Variants in PDGFRL observed in about 807,000 individuals in gnomAD.
PDGFRL encodes platelet derived growth factor receptor like, also known as platelet-derived growth factor receptor-like protein.
A neutral mutation model predicts 37.2 loss-of-function variants in PDGFRL; 46 were observed. That is an observed-to-expected ratio of 1.24 (90% CI 0.98 to 1.58). PDGFRL has a LOEUF of 1.58. Among genes scored for constraint, PDGFRL ranks in the 40% most tolerant of loss-of-function variants. PDGFRL has a pLI of 0.00. For synonymous variants in PDGFRL, 251 were observed against 184.3 expected (o/e 1.36, Z -2.93); for missense variants, 692 against 467.6 (o/e 1.48, Z -4.43).
intron 4 of PDGFRL, among the ~76,000 whole-genome samples, chr8:17,629,382 A>G (rs1804813917): frequency 6.6e-6 from 1 of 151,680 alleles, no homozygotes; most frequent in Admixed American, 6.6e-5. Flanking sequence ...GTGTTGGATC[A>G]GGTCTTCTAT....
chr8:17,580,960 T>C (rs567665325), intron 1 of PDGFRL, among the ~76,000 whole-genome samples: 5,298 of 31,790 alleles, frequency 0.17, 142 homozygotes, highest in Middle Eastern at 0.48. Context: ...TTTTCATACG[T>C]GTGTGTGTGT....
At chr8:17,583,074 G>C (rs1056138402) in intron 1 of PDGFRL, among the ~76,000 whole-genome samples, 40 of 152,176 alleles carry the variant, frequency 2.6e-4, no homozygotes, top group African/African-American at 9.4e-4. Flanking sequence ...ATAAACCTTG[G>C]AGGCTTCCAC....
intron 5 of PDGFRL, among the ~76,000 whole-genome samples, chr8:17,634,845 C>G (rs145786193): frequency 2.0e-5 from 3 of 152,020 alleles, no homozygotes; most frequent in African/African-American, 4.8e-5. Context: ...GGGAGAAGAT[C>G]GGGCAAAATA....
intron 2 of PDGFRL, among the ~76,000 whole-genome samples, chr8:17,598,602 G>T (rs1804101582): frequency 6.6e-6 from 1 of 152,152 alleles, no homozygotes; most frequent in African/African-American, 2.4e-5. Context: ...GGTCAGCTAG[G>T]CAAACAACAA....
intron 2 of PDGFRL, among the ~76,000 whole-genome samples, chr8:17,612,834 C>A (rs116451363): frequency 0.021 from 3,224 of 152,208 alleles, 114 homozygotes; most frequent in African/African-American, 0.073. Flanking sequence ...AAAAAGGTAT[C>A]AAAATCTGCA....
In PDGFRL at chr8:17,595,776, G is replaced by A. The variant is rs187042851; in HGVS notation, c.353+6011G>A. ...GTTATGGGGCTGTTGAGGAGTTGGC[G>A]TCCACCTGGAGTCTGTCCAGTGAGT... On this transcript the variant is annotated intron_variant, in intron 2 of 5. Transcript: ENST00000251630. 1.2e-3 allele frequency among the ~76,000 whole-genome samples: 185 copies of A among 152,326 alleles called. 1 individual carries two copies. The highest frequency in any genetic ancestry group is 2.2e-3 in the Non-Finnish European group (147 of 68,024).
At chr8:17,627,032 C>T (rs185227292) in intron 3 of PDGFRL, among the ~76,000 whole-genome samples, 29 of 152,286 alleles carry the variant, frequency 1.9e-4, no homozygotes, top group African/African-American at 5.8e-4. Flanking sequence ...CCTTGGCAGG[C>T]GCCAGATCCT....
intron 1 of PDGFRL, among the ~76,000 whole-genome samples, chr8:17,588,511 T>TA (rs58536582): frequency 1.3e-4 from 20 of 149,326 alleles, no homozygotes; most frequent in South Asian, 1.1e-3. Flanking sequence ...GCCCCATCTT[T>TA]AAAAAAAAAA....
chr8:17,602,004 A>T (rs115363448), intron 2 of PDGFRL, among the ~76,000 whole-genome samples: 3 of 152,164 alleles, frequency 2.0e-5, no homozygotes, highest in African/African-American at 7.2e-5. Context: ...TTGCTGGCCC[A>T]CATGGTAGCT....
chr8:17,583,788 CCT>C (rs1321205964), intron 1 of PDGFRL, among the ~76,000 whole-genome samples: 1 of 151,564 alleles, frequency 6.6e-6, no homozygotes, highest in Non-Finnish European at 1.5e-5. Context: ...TTGCACCTCC[CCT>C]CTCTCTCTCT....
intron 2 of PDGFRL, among the ~76,000 whole-genome samples, chr8:17,596,854 A>G (rs1443490195): frequency 6.6e-6 from 1 of 152,238 alleles, no homozygotes; most frequent in African/African-American, 2.4e-5. Flanking sequence ...CCAGAGATTC[A>G]AGAAACGGAC....
At chr8:17,641,073 G>T (rs191474487) in intron 5 of PDGFRL, among the ~76,000 whole-genome samples, 11 of 152,202 alleles carry the variant, frequency 7.2e-5, no homozygotes, top group African/African-American at 2.4e-4. Flanking sequence ...GCAGTTACAG[G>T]CCTCACCCAG....
rs932939145 is a variant in PDGFRL, at chr8:17,612,715, C to G, written c.354-8336C>G. On this transcript the variant is annotated intron_variant, in intron 2 of 5. Coordinates refer to ENST00000251630, the MANE Select transcript of PDGFRL (RefSeq NM_001372073.1). ...ATAAAATAACACATACTTATTTGAT[C>G]TAGAAACTTAAAAACTATAAATAAG... Among the ~76,000 whole-genome samples the G allele has an allele frequency of 7.9e-5, 12 of 152,202 alleles. No homozygotes were observed. In the South Asian group the frequency reaches 1.7e-3, roughly 21 times the overall value.
At position 17,577,321 on chromosome 8, in the gene PDGFRL, GGC is replaced by G. The variant is rs753922118; in HGVS notation, c.55+18_55+19del. 5.6e-6 allele frequency: 9 copies of G among 1,608,784 alleles called. No individual in the cohort carries two copies. The East Asian group carries it at 2.0e-4, about 36-fold the overall frequency. On this transcript the variant is annotated intron_variant, in intron 1 of 5. Transcript: ENST00000251630. ...CGCTGGAGGATGGTGAGTGACTCTG[GGC>G]GCGGGGCCACCTAGCTTGTGCCCTG...
intron 2 of PDGFRL, among the ~76,000 whole-genome samples, chr8:17,607,505 T>C (rs978972613): frequency 6.6e-5 from 10 of 152,236 alleles, no homozygotes; most frequent in African/African-American, 2.4e-4. Context: ...TGCACAGAAT[T>C]AAAATACAGT....
chr8:17,630,256 G>C (rs182272297), intron 4 of PDGFRL, among the ~76,000 whole-genome samples: 1 of 152,254 alleles, frequency 6.6e-6, no homozygotes, highest in East Asian at 1.9e-4. Flanking sequence ...CCTTACTCTT[G>C]ACAGAACTGA....
chr8:17,584,922 C>G (rs893306069), intron 1 of PDGFRL, among the ~76,000 whole-genome samples: 1 of 152,020 alleles, frequency 6.6e-6, no homozygotes, highest in Non-Finnish European at 1.5e-5. Flanking sequence ...GCATGGACTG[C>G]TCAGCTGCTT....
At chr8:17,581,261 A>G (rs1229717141) in intron 1 of PDGFRL, among the ~76,000 whole-genome samples, 1 of 152,062 alleles carries the variant, frequency 6.6e-6, no homozygotes, top group Non-Finnish European at 1.5e-5. Flanking sequence ...AAAGCTGTGC[A>G]CTCCAGGGGC....
chr8:17,585,594 C>T (rs549516553), intron 1 of PDGFRL, among the ~76,000 whole-genome samples: 2 of 152,200 alleles, frequency 1.3e-5, no homozygotes, highest in South Asian at 2.1e-4. Flanking sequence ...AATTGGGAAG[C>T]AACTGAGTGG....
Sources: allele counts gnomAD v4.1 joint callset (sites outside exome capture counted in the v4.1 genomes callset), GRCh38; gene constraint gnomAD v4.1.1; transcripts MANE v1.5; gene names NCBI Gene and HGNC (gene_info 2026-07-23, HGNC 2026-07-21).